TNR: variants seen among roughly 807,000 people sequenced by gnomAD.
The protein encoded by TNR is tenascin-R.
Under a neutral mutation model 150.4 loss-of-function variants are expected in TNR, and 45 were observed. The ratio of observed to expected loss-of-function variants is 0.30; its 90% CI spans 0.24 to 0.38. The LOEUF is 0.38. TNR is among the 10% of genes least tolerant of loss of function. TNR has a pLI of 1.00. For missense variants in TNR, 1,544 were observed against 1,759.1 expected, an observed-to-expected ratio of 0.88 and a Z score of 2.19; for synonymous variants, 687 against 678.4, an observed-to-expected ratio of 1.01 and a Z score of -0.20.
chr1:175,539,071 T>C (rs1042255569), intron 1 of TNR: 1 of 152,220 alleles, frequency 6.6e-6, no homozygotes, highest in Non-Finnish European at 1.5e-5. Flanking sequence ...TTCATTCTGG[T>C]CTCCCCAGTC....
intron 7 of TNR, 59 bp downstream of exon 7, chr1:175,391,229 T>C (rs1411572327): frequency 7.6e-6 from 12 of 1,585,914 alleles, no homozygotes; most frequent in African/African-American, 1.3e-5. Context: ...GGCAATTCTG[T>C]GGTTCTTTTC....
intron 1 of TNR, among the ~76,000 whole-genome samples, chr1:175,728,871 T>C (rs1037134406): frequency 6.6e-6 from 1 of 152,240 alleles, no homozygotes; most frequent in African/African-American, 2.4e-5. Flanking sequence ...GATTCCATTG[T>C]TTCCTCCTAC....
intron 15 of TNR, 27 bp from the exon 16 acceptor site, chr1:175,356,489 G>T: frequency 6.2e-7 from 1 of 1,612,918 alleles, no homozygotes; most frequent in South Asian, 1.1e-5. Context: ...ATGAATAAGG[G>T]TTGAATAAGG....
intron 1 of TNR, among the ~76,000 whole-genome samples, chr1:175,665,072 G>C (rs1270171903): frequency 6.6e-6 from 1 of 152,222 alleles, no homozygotes; most frequent in Admixed American, 6.5e-5. Context: ...CAGTAATGCT[G>C]ACAGCTTGGT....
rs1386092249 is a variant in TNR, at chr1:175,317,762, A to G, written c.*5595T>C. On this transcript the variant is annotated 3_prime_UTR_variant, in exon 23 of 23. Coordinates refer to ENST00000367674, the MANE Select transcript of TNR (RefSeq NM_003285.3). ...GGAACTTTAGCATTAGCCTGGCTTC[A>G]TGGCCCAGACAATAAGGAGCTGTTT... The G allele has an allele frequency of 2.0e-5, 3 of 152,270 alleles. No homozygotes were observed. Among genetic ancestry groups the G allele is most frequent in the Admixed American group, 6.5e-5 (1 of 15,284 alleles). 9.4% of individuals were successfully genotyped at this position (152,270 alleles called of 1,614,324 possible). A position where few individuals can be genotyped will look rare whatever the true frequency, so the allele number is the denominator to read the frequency against.
chr1:175,474,056 C>A (rs544653480), intron 2 of TNR, among the ~76,000 whole-genome samples: 6 of 152,008 alleles, frequency 3.9e-5, no homozygotes, highest in African/African-American at 1.4e-4. Flanking sequence ...ATGTTACTGG[C>A]GGATATATTT....
chr1:175,361,165 G>A (rs1432749505), intron 14 of TNR, among the ~76,000 whole-genome samples: 1 of 152,110 alleles, frequency 6.6e-6, no homozygotes, highest in Non-Finnish European at 1.5e-5. Flanking sequence ...GGATTCAAGC[G>A]ATCCTTCTGC....
At chr1:175,468,052 A>G (rs1238448373) in intron 2 of TNR, among the ~76,000 whole-genome samples, 1 of 152,224 alleles carries the variant, frequency 6.6e-6, no homozygotes, top group Non-Finnish European at 1.5e-5. Context: ...GCCTGCAGAC[A>G]TGTGGAGATG....
intron 1 of TNR, among the ~76,000 whole-genome samples, chr1:175,736,756 A>G (rs1667783991): frequency 6.6e-6 from 1 of 151,776 alleles, no homozygotes; most frequent in Non-Finnish European, 1.5e-5. Flanking sequence ...GCTTCTGCTT[A>G]TAATCCCAAT....
At position 175,531,703 on chromosome 1, in the gene TNR, C is replaced by T. The variant is rs565493511; in HGVS notation, c.-164-3334G>A. ...TTACCTGTATGTACCCTTTCCAGTGCTCTGCATTATCTGGGGTCAACTTGC... is the reference window on the plus strand; with the variant it reads ...TTACCTGTATGTACCCTTTCCAGTGTTCTGCATTATCTGGGGTCAACTTGC... On this transcript the variant is annotated intron_variant, in intron 1 of 22. Coordinates refer to ENST00000367674, the MANE Select transcript of TNR (RefSeq NM_003285.3). Among the ~76,000 whole-genome samples, 37 of 152,346 alleles carry T rather than the reference C, an allele frequency of 2.4e-4. No homozygotes were observed. In the Middle Eastern group the frequency reaches 0.01, roughly 42 times the overall value.
intron 12 of TNR, among the ~76,000 whole-genome samples, chr1:175,364,320 C>T (rs1422514606): frequency 8.3e-5 from 12 of 144,332 alleles, no homozygotes; most frequent in African/African-American, 3.1e-4. Context: ...TTCATTTATG[C>T]TATGGGCTTT....
At chr1:175,646,033 G>C (rs1244964639) in intron 1 of TNR, among the ~76,000 whole-genome samples, 1 of 152,214 alleles carries the variant, frequency 6.6e-6, no homozygotes, top group African/African-American at 2.4e-5. Context: ...ATGCTCAGGT[G>C]CCAAGGCAAG....
At chr1:175,723,311 C>G (rs936151811) in intron 1 of TNR, among the ~76,000 whole-genome samples, 1 of 152,162 alleles carries the variant, frequency 6.6e-6, no homozygotes, top group Non-Finnish European at 1.5e-5. Flanking sequence ...TTGCAGCCCT[C>G]TTCTAAAAAG....
rs1405595435 is a variant in TNR at position 175,700,042 on chromosome 1, G to A, written c.-165+43184C>T. On this transcript the variant is annotated intron_variant, in intron 1 of 22. Coordinates refer to ENST00000367674, the MANE Select transcript of TNR (RefSeq NM_003285.3). ...GTGAGAGGGAATGGGGAGGGAGTGG[G>A]TAAGGCTGGGACAGCTGCCGGACCA... Among the ~76,000 whole-genome samples, 4 of 151,778 alleles carry A rather than the reference G, an allele frequency of 2.6e-5. No homozygotes were observed. In the East Asian group the frequency reaches 7.7e-4, roughly 29 times the overall value.
At chr1:175,652,973 T>TA (rs758949207) in intron 1 of TNR, among the ~76,000 whole-genome samples, 2 of 152,134 alleles carry the variant, frequency 1.3e-5, no homozygotes, top group African/African-American at 4.8e-5. Context: ...AAGTGCCACT[T>TA]AAAACAATGA....
chr1:175,515,357 G>A (rs1659362636), intron 2 of TNR, among the ~76,000 whole-genome samples: 6 of 152,174 alleles, frequency 3.9e-5, no homozygotes, highest in Admixed American at 3.9e-4. Flanking sequence ...TTCAATAATT[G>A]AGCTCTGCCC....
At chr1:175,742,524 G>T in intron 1 of TNR, among the ~76,000 whole-genome samples, 1 of 152,124 alleles carries the variant, frequency 6.6e-6, no homozygotes, top group Non-Finnish European at 1.5e-5. Context: ...TCTCTGCAAA[G>T]CTCAAGACAC....
intron 8 of TNR, among the ~76,000 whole-genome samples, chr1:175,384,975 C>T (rs1213002524): frequency 6.6e-6 from 1 of 152,196 alleles, no homozygotes; most frequent in East Asian, 1.9e-4. Context: ...TGGACTCATT[C>T]CATTCTGTAG....
chr1:175,691,057 G>A (rs1666355046), intron 1 of TNR, among the ~76,000 whole-genome samples: 1 of 152,156 alleles, frequency 6.6e-6, no homozygotes, highest in Non-Finnish European at 1.5e-5. Context: ...AGAGTTCTTT[G>A]GGGCCATTTT....
Sources: gnomAD v4.1 joint callset for allele counts (sites outside exome capture counted in the v4.1 genomes callset) on GRCh38, gnomAD v4.1.1 for gene constraint, MANE v1.5 for transcripts, NCBI Gene and HGNC (gene_info 2026-07-23, HGNC 2026-07-21) for gene names.